SMURF1: variants seen among roughly 807,000 people sequenced by gnomAD.
The protein encoded by SMURF1 is SMAD specific E3 ubiquitin protein ligase 1.
In SMURF1, 44 loss-of-function variants were observed where a neutral mutation model predicts 98.0. That is an observed-to-expected ratio of 0.45 (90% CI 0.35 to 0.58). The LOEUF (loss-of-function observed/expected upper bound fraction) is 0.58, where lower values mean the gene tolerates loss of function less well. SMURF1 is among the 20% of genes least tolerant of loss of function. The pLI, the probability that SMURF1 is intolerant of heterozygous loss-of-function variation, is 0.00. For missense variants in SMURF1, 687 were observed against 938.4 expected (o/e 0.73, Z 3.50); for synonymous variants, 396 against 374.9 (o/e 1.06, Z -0.65).
intron 15 of SMURF1, among the ~76,000 whole-genome samples, chr7:99,036,824 T>C (rs1584443705): frequency 6.6e-6 from 1 of 152,138 alleles, no homozygotes; most frequent in East Asian, 1.9e-4. Flanking sequence ...ACAGCCACCT[T>C]GAACAGTTTC....
intron 1 of SMURF1, among the ~76,000 whole-genome samples, chr7:99,131,092 TGA>T (rs1260489637): frequency 1.3e-5 from 2 of 152,046 alleles, no homozygotes; most frequent in Non-Finnish European, 1.5e-5. Flanking sequence ...GTCAAAACAC[TGA>T]GATATAGAGA....
chr7:99,052,339 C>G lies in SMURF1; in HGVS notation c.587G>C (p.Arg196Thr), dbSNP rs555586869. 1.7e-5 allele frequency: 27 copies of G among 1,612,748 alleles called. No homozygotes were observed. The South Asian group carries it at 2.7e-4, about 16-fold the overall frequency. Residue 196 changes from arginine to threonine, a missense_variant, in exon 7 of 18, where the codon AGG (arginine) becomes ACG (threonine). Around this residue, in one of 2 missense-constraint regions of SMURF1, gnomAD observed 415 missense variants for 508.4 expected, o/e 0.82. Coordinates refer to ENST00000361368, the MANE Select transcript of SMURF1 (RefSeq NM_181349.3). ...TGAAAGGGNC[R>T]FVESPSQDQR... ...ATCTTGACTTGGGGACTCCACGAAC[C>G]TGCAATTCCCTCCTCCAGCAGCAGC...
At chr7:99,047,058 A>G (rs531413693) in intron 10 of SMURF1, among the ~76,000 whole-genome samples, 17 of 152,332 alleles carry the variant, frequency 1.1e-4, no homozygotes, top group Admixed American at 1.0e-3. Flanking sequence ...CCCAAATGCC[A>G]TGGAGATTTT....
At chr7:99,092,082 T>C (rs1796826154) in intron 1 of SMURF1, among the ~76,000 whole-genome samples, 1 of 152,222 alleles carries the variant, frequency 6.6e-6, no homozygotes, top group Admixed American at 6.5e-5. Context: ...TAATACTTCC[T>C]ACTTTTCAGG....
chr7:99,143,434 C>T (rs12535829), intron 1 of SMURF1, among the ~76,000 whole-genome samples: 133,012 of 134,638 alleles, frequency 0.99, 65,709 homozygotes, highest in East Asian at 1. Flanking sequence ...AGGGGCGTGG[C>T]CATGAATGGA....
At chr7:99,046,950 C>A (rs897139764) in intron 10 of SMURF1, among the ~76,000 whole-genome samples, 5 of 152,178 alleles carry the variant, frequency 3.3e-5, no homozygotes, top group Admixed American at 6.5e-5. Flanking sequence ...TCCCTCGGCC[C>A]CCCAGTGCTC....
chr7:99,051,706 T>C (rs963641119), intron 7 of SMURF1, among the ~76,000 whole-genome samples: 3 of 152,202 alleles, frequency 2.0e-5, no homozygotes, highest in African/African-American at 7.2e-5. Context: ...GATTTTCACT[T>C]GATTTCTAAA....
intron 1 of SMURF1, among the ~76,000 whole-genome samples, chr7:99,108,862 G>A (rs763920642): frequency 5.9e-5 from 9 of 152,086 alleles, no homozygotes; most frequent in Admixed American, 5.2e-4. Flanking sequence ...AATTTGTGGC[G>A]TGACCGGAAA....
intron 16 of SMURF1, 80 bp downstream of exon 16, chr7:99,035,435 A>G (rs1185114556): frequency 1.3e-6 from 2 of 1,521,026 alleles, no homozygotes; most frequent in African/African-American, 1.4e-5. Context: ...TCAGAAAAAC[A>G]TCCCAGCCAC....
intron 6 of SMURF1, among the ~76,000 whole-genome samples, chr7:99,053,291 A>G (rs1001761239): frequency 6.6e-6 from 1 of 152,112 alleles, no homozygotes; most frequent in Admixed American, 6.6e-5. Flanking sequence ...AAAATGAGAG[A>G]CCAGTACAAT....
At chr7:99,060,460 T>C (rs571905146) in intron 3 of SMURF1, 139 bp downstream of exon 3, 3 of 537,586 alleles carry the variant, frequency 5.6e-6, no homozygotes, top group South Asian at 2.8e-5. Flanking sequence ...TTAGGCAATG[T>C]AGACATTCAT....
At chr7:99,069,310 T>A (rs1446500883) in intron 1 of SMURF1, among the ~76,000 whole-genome samples, 1 of 152,174 alleles carries the variant, frequency 6.6e-6, no homozygotes, top group Non-Finnish European at 1.5e-5. Context: ...GTGGCTTTGT[T>A]CCCCAGCTAA....
chr7:99,071,924 T>C (rs1402713569), intron 1 of SMURF1, among the ~76,000 whole-genome samples: 2 of 147,760 alleles, frequency 1.4e-5, no homozygotes, highest in Non-Finnish European at 3.0e-5. Flanking sequence ...AAAAAAAAAA[T>C]AGAAATTAGC....
In SMURF1 at chr7:99,047,710, C is replaced by T; in HGVS notation, c.1126G>A (p.Glu376Lys). 1 of 1,614,216 alleles carries T rather than the reference C, an allele frequency of 6.2e-7. No individual in the cohort carries two copies. Among genetic ancestry groups the T allele is most frequent in the Non-Finnish European group, 8.5e-7 (1 of 1,180,052 alleles). Residue 376 changes from glutamate to lysine, a missense_variant, in exon 10 of 18, where the codon GAA becomes AAA. Around this residue, in one of 2 missense-constraint regions of SMURF1, gnomAD observed 415 missense variants for 508.4 expected, o/e 0.82. Transcript: ENST00000361368. ...QQPQAGHCRIEVSREEIFEES... is the reference protein window; with the variant it reads ...QQPQAGHCRIKVSREEIFEES... ...TCAAAGATTTCTTCTCTGGACACTT[C>T]GATGCGGCAATGACCAGCTTGGGGC...
Position 99,030,827 on chromosome 7 carries a change from C to T in SMURF1, c.2097-144G>A. ...GGGTTGGTGATGAGTTCTCCATGTC[C>T]CCTGTGTTTTTCTGCTTCTAATACA... On this transcript the variant is annotated intron_variant, in intron 17 of 17. Coordinates refer to ENST00000361368, the MANE Select transcript of SMURF1 (RefSeq NM_181349.3). 3 of 577,266 alleles carry T rather than the reference C, an allele frequency of 5.2e-6. No individual in the cohort carries two copies. In the Admixed American group the frequency reaches 9.6e-5, roughly 18 times the overall value. The allele number at this position is 577,266 out of a possible 1,614,324, so 35.8% of individuals were successfully genotyped here. A position where few individuals can be genotyped will look rare whatever the true frequency, so the allele number is the denominator to read the frequency against.
At chr7:99,089,508 G>A (rs1471081881) in intron 1 of SMURF1, among the ~76,000 whole-genome samples, 1 of 152,030 alleles carries the variant, frequency 6.6e-6, no homozygotes, top group South Asian at 2.1e-4. Context: ...GGGTGTGGTG[G>A]TGTGTGCCTG....
intron 1 of SMURF1, among the ~76,000 whole-genome samples, chr7:99,125,951 A>C (rs1403242729): frequency 6.6e-6 from 1 of 151,904 alleles, no homozygotes; most frequent in Admixed American, 6.6e-5. Context: ...AAGCAGCCAG[A>C]CTCATGTCCA....
chr7:99,033,199 A>C, intron 16 of SMURF1, 78 bp from the exon 17 acceptor site: 2 of 1,435,694 alleles, frequency 1.4e-6, no homozygotes, highest in Non-Finnish European at 9.6e-7. Context: ...CCCCAGGAGC[A>C]GGGCCCTGAC....
At chr7:99,047,953 G>T in intron 9 of SMURF1, 71 bp from the exon 10 acceptor site, 2 of 1,410,144 alleles carry the variant, frequency 1.4e-6, no homozygotes, top group Non-Finnish European at 2.0e-6. Context: ...CCACGTACGC[G>T]ACAGGGTCAG....
Sources: gnomAD v4.1 joint callset for allele counts (sites outside exome capture counted in the v4.1 genomes callset) on GRCh38, gnomAD v4.1.1 for gene constraint, gnomAD v4.1.1 regional missense constraint, MANE v1.5 for transcripts, NCBI Gene and HGNC (gene_info 2026-07-23, HGNC 2026-07-21) for gene names.